Variants in WWOX observed in about 807,000 individuals in gnomAD.
The protein encoded by WWOX is WW domain containing oxidoreductase, also known as WW domain-containing oxidoreductase.
WWOX carries 69 observed loss-of-function variants against 46.2 expected under a neutral mutation model. The ratio of observed to expected loss-of-function variants is 1.49; its 90% CI spans 1.23 to 1.82. The LOEUF (loss-of-function observed/expected upper bound fraction) is 1.82. WWOX is among the 40% of genes most tolerant of loss of function. WWOX has a pLI of 0.00. For missense variants in WWOX, 919 were observed against 542.6 expected (o/e 1.69, Z -6.89); for synonymous variants, 359 against 202.6 (o/e 1.77, Z -6.56).
At chr16:78,528,238 T>C (rs1424266812) in intron 8 of WWOX, among the ~76,000 whole-genome samples, 1 of 141,676 alleles carries the variant, frequency 7.1e-6, no homozygotes, top group Admixed American at 7.6e-5. Context: ...ATGGTCTCGG[T>C]CTGCTGATCT....
chr16:78,362,539 G>T (rs568184773), intron 5 of WWOX, among the ~76,000 whole-genome samples: 2 of 152,212 alleles, frequency 1.3e-5, no homozygotes, highest in East Asian at 3.9e-4. Flanking sequence ...AACTCGGGAG[G>T]TGGAGGTAGC....
intron 8 of WWOX, among the ~76,000 whole-genome samples, chr16:78,445,304 C>T (rs1383766794): frequency 6.6e-6 from 1 of 152,186 alleles, no homozygotes; most frequent in Non-Finnish European, 1.5e-5. Flanking sequence ...GAAGGGCGCT[C>T]ACCTCAGTAA....
chr16:78,138,901 T>TC (rs34431025), intron 4 of WWOX, among the ~76,000 whole-genome samples: 1 of 152,098 alleles, frequency 6.6e-6, no homozygotes, highest in Non-Finnish European at 1.5e-5. Context: ...TCAAAGATGT[T>TC]CCCCCCATGC....
rs567101645 is a variant in WWOX, at chr16:78,504,760, C to G, written c.1056+72008C>G. Among the ~76,000 whole-genome samples the G allele has an allele frequency of 1.5e-4, 23 of 152,096 alleles. No individual in the cohort carries two copies. In the East Asian group the frequency reaches 4.5e-3, roughly 29 times the overall value. On this transcript the variant is annotated intron_variant, in intron 8 of 8. Coordinates refer to ENST00000566780, the MANE Select transcript of WWOX (RefSeq NM_016373.4). ...GGGGCTTGGAACCACGCCACGGACG[C>G]ATGAAGCCTCCCCGTTTACATGCCA...
At chr16:78,716,452 G>A (rs957641080) in intron 8 of WWOX, among the ~76,000 whole-genome samples, 1 of 152,142 alleles carries the variant, frequency 6.6e-6, no homozygotes, top group East Asian at 1.9e-4. Flanking sequence ...CCTGCCAAAT[G>A]CTGCCTGCCC....
intron 8 of WWOX, among the ~76,000 whole-genome samples, chr16:79,191,147 G>A (rs570884673): frequency 6.6e-6 from 1 of 152,160 alleles, no homozygotes; most frequent in East Asian, 1.9e-4. Context: ...TCCGCCTCTC[G>A]GGTTCAAGCG....
chr16:78,297,573 G>A (rs887827979), intron 5 of WWOX, among the ~76,000 whole-genome samples: 25 of 152,286 alleles, frequency 1.6e-4, no homozygotes, highest in African/African-American at 5.5e-4. Context: ...ATTATGGACT[G>A]AATAAATGTT....
chr16:79,070,034 A>C (rs1013467984), intron 8 of WWOX, among the ~76,000 whole-genome samples: 3 of 152,226 alleles, frequency 2.0e-5, no homozygotes, highest in Non-Finnish European at 4.4e-5. Flanking sequence ...TTTATTTCCT[A>C]TTCCAAAATA....
intron 8 of WWOX, among the ~76,000 whole-genome samples, chr16:78,787,094 G>T (rs759228870): frequency 6.6e-5 from 10 of 152,150 alleles, no homozygotes; most frequent in Non-Finnish European, 1.2e-4. Flanking sequence ...GTTGCAGTGA[G>T]CCAAGATTGC....
chr16:78,561,025 G>A (rs2044422485), intron 8 of WWOX, among the ~76,000 whole-genome samples: 1 of 152,142 alleles, frequency 6.6e-6, no homozygotes, highest in South Asian at 2.1e-4. Context: ...GTCCGCTGGA[G>A]GAACATCCTT....
chr16:78,878,204 A>G (rs2656627), intron 8 of WWOX, among the ~76,000 whole-genome samples: 152,296 of 152,324 alleles, frequency 1, 76,134 homozygotes, highest in Non-Finnish European at 1. Context: ...CCATGGATGG[A>G]AATCCTGAGC....
intron 8 of WWOX, among the ~76,000 whole-genome samples, chr16:78,695,401 A>G (rs572443788): frequency 1.3e-5 from 2 of 152,096 alleles, no homozygotes; most frequent in East Asian, 1.9e-4. Context: ...CTCTTGCCCT[A>G]TTTGCCGTGT....
chr16:78,143,752 GT>G (rs200125720), intron 4 of WWOX, among the ~76,000 whole-genome samples: 4,253 of 120,146 alleles, frequency 0.035, 50 homozygotes, highest in African/African-American at 0.045. Context: ...GAATTGGTAT[GT>G]TTTTTTTTTT....
chr16:78,622,782 A>G (rs1440496854), intron 8 of WWOX, among the ~76,000 whole-genome samples: 2 of 152,198 alleles, frequency 1.3e-5, no homozygotes, highest in Admixed American at 6.5e-5. Context: ...GGATTTTGGA[A>G]ATACCATTAA....
intron 8 of WWOX, among the ~76,000 whole-genome samples, chr16:78,790,647 C>T (rs541231668): frequency 2.6e-5 from 4 of 152,068 alleles, no homozygotes; most frequent in African/African-American, 9.7e-5. Flanking sequence ...TCACCCATGC[C>T]TTGGACATGA....
intron 8 of WWOX, among the ~76,000 whole-genome samples, chr16:78,730,623 T>A (rs866154819): frequency 0.036 from 5,169 of 144,016 alleles, 296 homozygotes; most frequent in African/African-American, 0.14. Context: ...GGCAATTTTT[T>A]TTTTTTTTTT....
At chr16:78,817,169 ATTCTTTTTT>A (rs1418730676) in intron 8 of WWOX, among the ~76,000 whole-genome samples, 20 of 26,596 alleles carry the variant, frequency 7.5e-4, no homozygotes, top group Non-Finnish European at 1.2e-3. Context: ...CATTAGTGCT[ATTCTTTTTT>A]TTTTTTTTTT....
intron 8 of WWOX, among the ~76,000 whole-genome samples, chr16:79,006,869 C>G (rs528742250): frequency 1.3e-5 from 2 of 152,184 alleles, no homozygotes; most frequent in South Asian, 2.1e-4. Flanking sequence ...ATTCCCTCTT[C>G]CGCTTTAAGG....
chr16:78,122,228 C>G (rs930382227), intron 4 of WWOX, among the ~76,000 whole-genome samples: 1 of 152,090 alleles, frequency 6.6e-6, no homozygotes, highest in Non-Finnish European at 1.5e-5. Flanking sequence ...GGTCTTGGAA[C>G]GCATCTCCCG....
Sources: allele counts gnomAD v4.1 joint callset (sites outside exome capture counted in the v4.1 genomes callset), GRCh38; gene constraint gnomAD v4.1.1; transcripts MANE v1.5; gene names NCBI Gene and HGNC (gene_info 2026-07-23, HGNC 2026-07-21).